BCL7A: variants seen among roughly 807,000 people sequenced by gnomAD.
BCL7A encodes the protein B-cell CLL/lymphoma 7 protein family member A.
BCL7A carries 11 observed loss-of-function variants against 28.4 expected under a neutral mutation model. The ratio of observed to expected loss-of-function variants is 0.39; its 90% CI spans 0.24 to 0.64. The LOEUF is 0.64. Among genes scored for constraint, BCL7A ranks in the 30% least tolerant of loss-of-function variants. The probability of loss-of-function intolerance (pLI) is 0.50; values close to 1 mark genes in which losing one functional copy is unlikely to be tolerated. For synonymous variants in BCL7A, 123 were observed against 103.3 expected, an observed-to-expected ratio of 1.19 and a Z score of -1.15; for missense variants, 222 against 274.8, an observed-to-expected ratio of 0.81 and a Z score of 1.36.
At chr12:122,042,677 T>G (rs573458601) in intron 3 of BCL7A, among the ~76,000 whole-genome samples, 2 of 150,998 alleles carry the variant, frequency 1.3e-5, no homozygotes, top group Non-Finnish European at 2.9e-5. Context: ...GTGTAAAAGT[T>G]CAGGGAGTCC....
chr12:122,025,252 C>A (rs551190544), intron 1 of BCL7A, among the ~76,000 whole-genome samples: 1 of 151,832 alleles, frequency 6.6e-6, no homozygotes, highest in African/African-American at 2.4e-5. Context: ...AATCCCAGAG[C>A]TTTGGGAGGC....
At chr12:122,055,748 A>G (rs779721418) in intron 5 of BCL7A, among the ~76,000 whole-genome samples, 4 of 152,164 alleles carry the variant, frequency 2.6e-5, no homozygotes, top group Non-Finnish European at 4.4e-5. Flanking sequence ...CCTCCCAAGT[A>G]GGTGGGATTA....
At chr12:122,043,211 A>C (rs1593030582) in intron 3 of BCL7A, among the ~76,000 whole-genome samples, 1 of 152,092 alleles carries the variant, frequency 6.6e-6, no homozygotes, top group East Asian at 1.9e-4. Flanking sequence ...TCCCTGCCAG[A>C]CACACAAGAC....
At chr12:122,025,829 C>T (rs1883615201) in intron 1 of BCL7A, among the ~76,000 whole-genome samples, 1 of 150,914 alleles carries the variant, frequency 6.6e-6, no homozygotes, top group African/African-American at 2.4e-5. Flanking sequence ...CGCCTGTAAT[C>T]CCAGCTACTC....
At chr12:122,022,898 C>G (rs1593019534) in intron 1 of BCL7A, among the ~76,000 whole-genome samples, 1 of 151,424 alleles carries the variant, frequency 6.6e-6, no homozygotes, top group Admixed American at 6.6e-5. Context: ...CTGCGCGGCG[C>G]CCCGGGCGGG....
chr12:122,043,761 C>T, intron 3 of BCL7A, 125 bp from the exon 4 acceptor site: 1 of 981,482 alleles, frequency 1.0e-6, no homozygotes, highest in East Asian at 2.8e-5. Context: ...GGTAACCAGA[C>T]CCCTCCCCGG....
intron 2 of BCL7A, among the ~76,000 whole-genome samples, chr12:122,031,434 G>T (rs1367986475): frequency 2.0e-5 from 3 of 152,302 alleles, no homozygotes; most frequent in Non-Finnish European, 4.4e-5. Context: ...CACCTTTGTG[G>T]TTCTGTTCCT....
chr12:122,044,133 A>G, intron 4 of BCL7A, 80 bp downstream of exon 4: 1 of 1,493,112 alleles, frequency 6.7e-7, no homozygotes, highest in Non-Finnish European at 9.0e-7. Context: ...GTGTTCCAGG[A>G]GGCCCTGTCA....
At chr12:122,034,811 C>T (rs11043293) in intron 2 of BCL7A, among the ~76,000 whole-genome samples, 1 of 152,060 alleles carries the variant, frequency 6.6e-6, no homozygotes, top group African/African-American at 2.4e-5. Context: ...TCCCGGGGTC[C>T]TCCCTCCTTT....
At chr12:122,024,257 G>A (rs1180296280) in intron 1 of BCL7A, among the ~76,000 whole-genome samples, 5 of 152,220 alleles carry the variant, frequency 3.3e-5, no homozygotes, top group Non-Finnish European at 7.3e-5. Flanking sequence ...TCACTTCGTT[G>A]CCGCGACCTT....
intron 1 of BCL7A, among the ~76,000 whole-genome samples, chr12:122,030,021 T>C (rs1443762390): frequency 2.6e-5 from 4 of 152,140 alleles, no homozygotes; most frequent in Admixed American, 1.3e-4. Context: ...CTTCAGGCGT[T>C]TGTAATGCAG....
At chr12:122,051,956 C>A (rs775087638) in intron 4 of BCL7A, among the ~76,000 whole-genome samples, 13 of 135,320 alleles carry the variant, frequency 9.6e-5, no homozygotes, top group Non-Finnish European at 1.7e-4. Flanking sequence ...CTCACTGCAA[C>A]CTCCGCCTCC....
At chr12:122,025,316 A>T (rs1297591772) in intron 1 of BCL7A, among the ~76,000 whole-genome samples, 2 of 150,478 alleles carry the variant, frequency 1.3e-5, no homozygotes, top group Middle Eastern at 3.4e-3. Flanking sequence ...TGGGTCTCAA[A>T]CCAAAAAAAA....
intron 2 of BCL7A, among the ~76,000 whole-genome samples, chr12:122,032,022 C>A (rs1414727920): frequency 6.6e-6 from 1 of 152,206 alleles, no homozygotes; most frequent in African/African-American, 2.4e-5. Context: ...GCAGACTAAC[C>A]CACATGGCTG....
chr12:122,028,528 A>G (rs574188774), intron 1 of BCL7A, among the ~76,000 whole-genome samples: 2 of 152,046 alleles, frequency 1.3e-5, no homozygotes, highest in East Asian at 1.9e-4. Context: ...AGTCCTGGCA[A>G]TTTGTCATTC....
rs1010678022 is a variant in BCL7A at position 122,037,437 on chromosome 12, G to A, written c.271+2010G>A. On this transcript the variant is annotated intron_variant, in intron 3 of 5. Transcript: ENST00000261822. ...GTCTTGTTCTGGGGAAGGAAGGCCAGCGAACTTCCCCACGTGCTCAAATCG... is the reference window on the plus strand; with the variant it reads ...GTCTTGTTCTGGGGAAGGAAGGCCAACGAACTTCCCCACGTGCTCAAATCG... 4.6e-5 allele frequency among the ~76,000 whole-genome samples: 7 copies of A among 152,214 alleles called. No homozygotes were observed. The East Asian group carries it at 1.3e-3, about 29-fold the overall frequency.
chr12:122,026,798 G>A (rs78973578), intron 1 of BCL7A, among the ~76,000 whole-genome samples: 1 of 152,364 alleles, frequency 6.6e-6, no homozygotes, highest in Non-Finnish European at 1.5e-5. Context: ...CCCTTGAGTG[G>A]TGGGTAACCC....
chr12:122,026,811 A>C (rs751337866), intron 1 of BCL7A, among the ~76,000 whole-genome samples: 6 of 152,230 alleles, frequency 3.9e-5, no homozygotes, highest in African/African-American at 7.2e-5. Context: ...GGTAACCCTA[A>C]GATGGTCTTG....
intron 1 of BCL7A, among the ~76,000 whole-genome samples, chr12:122,028,978 G>C (rs377213206): frequency 6.2e-4 from 94 of 152,284 alleles, no homozygotes; most frequent in African/African-American, 2.1e-3. Context: ...GGCAGGAGAC[G>C]GGCCAGTGGA....
Sources: allele counts gnomAD v4.1 joint callset (sites outside exome capture counted in the v4.1 genomes callset), GRCh38; gene constraint gnomAD v4.1.1; transcripts MANE v1.5; gene names NCBI Gene and HGNC (gene_info 2026-07-23, HGNC 2026-07-21).